The following GLT8D2 variants were observed in gnomAD, a reference collection of about 807,000 sequenced individuals.
GLT8D2 encodes glycosyltransferase 8 domain containing 2, also known as glycosyltransferase 8 domain-containing protein 2.
A neutral mutation model predicts 44.5 loss-of-function variants in GLT8D2; 45 were observed. The observed-to-expected ratio is 1.01, with a 90% CI of 0.80 to 1.30. The LOEUF is 1.30. Among genes scored for constraint, GLT8D2 ranks in the 50% most tolerant of loss-of-function variants. GLT8D2 has a pLI of 0.00. For synonymous variants in GLT8D2, 156 were observed against 157.2 expected (o/e 0.99, Z 0.06); for missense variants, 400 against 430.4 (o/e 0.93, Z 0.62).
intron 1 of GLT8D2, among the ~76,000 whole-genome samples, chr12:104,021,899 A>G (rs148551917): frequency 0.06 from 769 of 12,782 alleles, 23 homozygotes; most frequent in South Asian, 0.21. Flanking sequence ...AAGAAGAAGA[A>G]GAAGAAGAAG....
intron 6 of GLT8D2, 60 bp from the exon 7 acceptor site, chr12:103,997,595 G>A (rs749018510): frequency 4.1e-6 from 5 of 1,215,686 alleles, no homozygotes; most frequent in Non-Finnish European, 6.1e-6. Context: ...GTGTCTTCTG[G>A]GGGTACTGGA....
intron 1 of GLT8D2, among the ~76,000 whole-genome samples, chr12:104,049,670 A>G (rs981476863): frequency 3.9e-5 from 6 of 152,206 alleles, no homozygotes; most frequent in Non-Finnish European, 5.9e-5. Context: ...AAAGCAGCCC[A>G]GGATGTGAAA....
intron 1 of GLT8D2, among the ~76,000 whole-genome samples, chr12:104,034,045 A>C (rs991867197): frequency 6.6e-6 from 1 of 151,814 alleles, no homozygotes; most frequent in African/African-American, 2.4e-5. Flanking sequence ...CAAACAAAAA[A>C]CTCTTATTTG....
At chr12:104,005,089 C>T (rs905936723) in intron 4 of GLT8D2, among the ~76,000 whole-genome samples, 3 of 152,144 alleles carry the variant, frequency 2.0e-5, no homozygotes, top group African/African-American at 4.8e-5. Context: ...ACATCTACAA[C>T]CATCTGATCT....
At chr12:104,021,950 AGAAGAG>A (rs1157989242) in intron 1 of GLT8D2, among the ~76,000 whole-genome samples, 312 of 25,532 alleles carry the variant, frequency 0.012, 23 homozygotes, top group African/African-American at 0.022. Flanking sequence ...AAGAAGAAGA[AGAAGAG>A]GAAGAAGAGG....
chr12:103,994,490 CATAT>C lies in GLT8D2; in HGVS notation c.608_611del (p.Tyr203TrpfsTer27), dbSNP rs1180433867. On this transcript the variant is annotated frameshift_variant, in exon 9 of 11. Coordinates refer to ENST00000360814, the MANE Select transcript of GLT8D2 (RefSeq NM_001384711.1). LOFTEE classifies it high-confidence loss of function. ...CCTTCTTCCGGTAGTCCAGATAGCC[CATAT>C]ATGTGTTCTGTAAGGGAACAGGATG... 6.2e-7 allele frequency: 1 copy of C among 1,611,668 alleles called. No homozygotes were observed. The highest frequency in any genetic ancestry group is 8.5e-7 in the Non-Finnish European group (1 of 1,179,202).
intron 6 of GLT8D2, 65 bp downstream of exon 6, chr12:103,999,332 C>T (rs556436816): frequency 1.4e-4 from 120 of 829,306 alleles, no homozygotes; most frequent in Non-Finnish European, 2.3e-4. Flanking sequence ...CGGTGACTAG[C>T]ACTCCTTTAC....
intron 10 of GLT8D2, among the ~76,000 whole-genome samples, chr12:103,990,056 G>A (rs1013248859): frequency 1.0e-4 from 14 of 139,362 alleles, no homozygotes; most frequent in Admixed American, 9.7e-4. Flanking sequence ...AGCCCTCTAT[G>A]TATGTCTAGT....
chr12:104,030,848 G>T (rs878919190), intron 1 of GLT8D2: 9 of 1,586,028 alleles, frequency 5.7e-6, no homozygotes, highest in Non-Finnish European at 7.8e-6. Flanking sequence ...CCGCTTCAGC[G>T]GCTGGTACGA....
In GLT8D2 at chr12:104,021,959, A is replaced by G. The variant is rs11111873; in HGVS notation, c.-163-468T>C. Among the ~76,000 whole-genome samples the G allele has an allele frequency of 0.018, 275 of 15,002 alleles. 17 individuals carry two copies. In the East Asian group the frequency reaches 0.21, roughly 11 times the overall value. 9.8% of individuals were successfully genotyped at this position (15,002 alleles called of 152,430 possible). ...AAGAAGAAGAAGAAGAAGAAGAGGA[A>G]GAAGAGGAAGAGGAAGAGGAAGAGG... On this transcript the variant is annotated intron_variant, in intron 1 of 10. Coordinates refer to ENST00000360814, the MANE Select transcript of GLT8D2 (RefSeq NM_001384711.1).
chr12:104,038,700 C>T (rs1272254351), intron 1 of GLT8D2, among the ~76,000 whole-genome samples: 2 of 152,112 alleles, frequency 1.3e-5, no homozygotes, highest in African/African-American at 2.4e-5. Flanking sequence ...GAATTAATAT[C>T]GTGAAAATGG....
intron 1 of GLT8D2, among the ~76,000 whole-genome samples, chr12:104,060,920 C>T (rs1263896067): frequency 6.6e-6 from 1 of 150,698 alleles, no homozygotes; most frequent in African/African-American, 2.4e-5. Flanking sequence ...CAGACCTTGT[C>T]TCAAAAAGAA....
chr12:104,004,223 C>T (rs1049197027), intron 4 of GLT8D2, among the ~76,000 whole-genome samples: 4 of 152,080 alleles, frequency 2.6e-5, no homozygotes, highest in African/African-American at 9.7e-5. Flanking sequence ...ATTGATGGGA[C>T]GTATCTCAAA....
At chr12:103,990,873 T>C (rs564383773) in intron 10 of GLT8D2, among the ~76,000 whole-genome samples, 1 of 152,346 alleles carries the variant, frequency 6.6e-6, no homozygotes, top group East Asian at 1.9e-4. Flanking sequence ...TGAAGGGCTA[T>C]GCAGAACTAC....
chr12:104,019,118 CTTTT>C (rs11291563), intron 3 of GLT8D2, among the ~76,000 whole-genome samples: 3 of 116,460 alleles, frequency 2.6e-5, no homozygotes, highest in Admixed American at 9.7e-5. Flanking sequence ...ACTTCTTCTT[CTTTT>C]TTTTTTTTTT....
intron 10 of GLT8D2, among the ~76,000 whole-genome samples, chr12:103,991,842 AAAAG>A (rs1441629714): frequency 6.6e-6 from 1 of 151,114 alleles, no homozygotes; most frequent in African/African-American, 2.4e-5. Flanking sequence ...AAAAAAAAAA[AAAAG>A]ATTATGGGAC....
chr12:104,008,411 G>T (rs922613129), intron 4 of GLT8D2, among the ~76,000 whole-genome samples: 2 of 152,302 alleles, frequency 1.3e-5, no homozygotes, highest in South Asian at 2.1e-4. Context: ...ACTTGAGAGA[G>T]ATAATTTAGG....
intron 1 of GLT8D2, among the ~76,000 whole-genome samples, chr12:104,025,880 G>A (rs55675238): frequency 0.088 from 13,362 of 152,136 alleles, 887 homozygotes; most frequent in East Asian, 0.3. Context: ...AAGGGAGCAA[G>A]TGATCCACAC....
upstream of GLT8D2, among the ~76,000 whole-genome samples, chr12:104,050,682 T>G (rs901333500): frequency 6.6e-6 from 1 of 152,214 alleles, no homozygotes. Flanking sequence ...GCACTTTGTC[T>G]GGGATCACAG....
Sources: allele counts gnomAD v4.1 joint callset (sites outside exome capture counted in the v4.1 genomes callset), GRCh38; gene constraint gnomAD v4.1.1; transcripts MANE v1.5; gene names NCBI Gene and HGNC (gene_info 2026-07-23, HGNC 2026-07-21).